The following TMEM26 variants were observed in gnomAD, a reference collection of about 807,000 sequenced individuals.
The protein encoded by TMEM26 is transmembrane protein 26.
In TMEM26, 38 loss-of-function variants were observed where a neutral mutation model predicts 28.8. That is an observed-to-expected ratio of 1.32 (90% CI 1.02 to 1.73). The LOEUF (loss-of-function observed/expected upper bound fraction) is 1.73, where lower values mean the gene tolerates loss of function less well. Among genes scored for constraint, TMEM26 ranks in the 40% most tolerant of loss-of-function variants. The pLI is 0.00. For synonymous variants in TMEM26, 227 were observed against 182.9 expected (o/e 1.24, Z -1.95); for missense variants, 518 against 447.1 (o/e 1.16, Z -1.43).
intron 4 of TMEM26, among the ~76,000 whole-genome samples, chr10:61,426,656 AC>A (rs1193567383): frequency 6.6e-6 from 1 of 152,118 alleles, no homozygotes; most frequent in Non-Finnish European, 1.5e-5. Flanking sequence ...ATGGAATAAA[AC>A]ATTAGAAAAA....
intron 2 of TMEM26, among the ~76,000 whole-genome samples, chr10:61,432,736 A>G (rs1314638451): frequency 6.6e-6 from 1 of 152,166 alleles, no homozygotes; most frequent in Non-Finnish European, 1.5e-5. Context: ...AGCTACTTGA[A>G]AAAACAGAAA....
At chr10:61,450,759 A>C (rs2135341968) in intron 1 of TMEM26, among the ~76,000 whole-genome samples, 1 of 152,198 alleles carries the variant, frequency 6.6e-6, no homozygotes, top group East Asian at 1.9e-4. Flanking sequence ...TCCAAAATAA[A>C]GGTGAGAATT....
At chr10:61,449,290 T>TA (rs1296161948) in intron 1 of TMEM26, among the ~76,000 whole-genome samples, 1 of 151,686 alleles carries the variant, frequency 6.6e-6, no homozygotes, top group Non-Finnish European at 1.5e-5. Flanking sequence ...GGAGTGCATA[T>TA]TTTTTTTAGC....
At chr10:61,451,207 A>G (rs1840274141) in intron 1 of TMEM26, among the ~76,000 whole-genome samples, 1 of 152,206 alleles carries the variant, frequency 6.6e-6, no homozygotes, top group Non-Finnish European at 1.5e-5. Context: ...TGTAAGTCAC[A>G]TGTCAGTACC....
At chr10:61,438,330 T>G (rs1452348045) in intron 1 of TMEM26, among the ~76,000 whole-genome samples, 1 of 152,028 alleles carries the variant, frequency 6.6e-6, no homozygotes, top group Non-Finnish European at 1.5e-5. Flanking sequence ...ACCTCACATA[T>G]CAAAGGAAAC....
intron 1 of TMEM26, among the ~76,000 whole-genome samples, chr10:61,441,848 CT>C (rs1216741791): frequency 6.6e-6 from 1 of 152,102 alleles, no homozygotes; most frequent in East Asian, 1.9e-4. Flanking sequence ...TGCCAAATTA[CT>C]TTGCTCAACT....
intron 4 of TMEM26, among the ~76,000 whole-genome samples, chr10:61,416,438 C>G (rs2135290401): frequency 6.6e-6 from 1 of 152,088 alleles, no homozygotes; most frequent in African/African-American, 2.4e-5. Flanking sequence ...TTAGTTTACC[C>G]ATTTACATTA....
intron 4 of TMEM26, among the ~76,000 whole-genome samples, chr10:61,428,377 C>T (rs1839866146): frequency 1.3e-5 from 2 of 152,086 alleles, no homozygotes; most frequent in South Asian, 2.1e-4. Flanking sequence ...CCTGTGGGCA[C>T]TTTGAACAAA....
intron 4 of TMEM26, chr10:61,413,805 A>G (rs1227181053): frequency 9.3e-7 from 1 of 1,075,482 alleles, no homozygotes; most frequent in Non-Finnish European, 1.1e-6. Flanking sequence ...AGTTTTACAA[A>G]ATTATGGAAA....
At chr10:61,430,872 T>C (rs1839909968) in intron 3 of TMEM26, among the ~76,000 whole-genome samples, 1 of 151,958 alleles carries the variant, frequency 6.6e-6, no homozygotes, top group Non-Finnish European at 1.5e-5. Flanking sequence ...CTAAAATTCC[T>C]CTAAAAAATA....
chr10:61,422,674 T>C (rs1839768777), intron 4 of TMEM26, among the ~76,000 whole-genome samples: 2 of 151,890 alleles, frequency 1.3e-5, no homozygotes, highest in Admixed American at 6.6e-5. Flanking sequence ...AATTCACACT[T>C]CAGATGTCTG....
chr10:61,451,988 T>G (rs1004082144), intron 1 of TMEM26, among the ~76,000 whole-genome samples: 4 of 37,586 alleles, frequency 1.1e-4, no homozygotes, highest in East Asian at 1.2e-3. Context: ...AATGTATTGA[T>G]ATATATATAT....
intron 4 of TMEM26, among the ~76,000 whole-genome samples, chr10:61,426,687 G>C (rs1371623388): frequency 1.3e-5 from 2 of 151,952 alleles, no homozygotes; most frequent in African/African-American, 2.4e-5. Flanking sequence ...CATAATAATA[G>C]GCAATGCTGA....
At chr10:61,452,797 A>G in intron 1 of TMEM26, 94 bp downstream of exon 1, 1 of 1,433,460 alleles carries the variant, frequency 7.0e-7, no homozygotes, top group Non-Finnish European at 9.6e-7. Flanking sequence ...AAATTCGAGT[A>G]GAATCTGCGG....
chr10:61,408,412 A>C lies in TMEM26; in HGVS notation c.*1910T>G, dbSNP rs563619397. 3.9e-4 allele frequency: 59 copies of C among 152,336 alleles called. No homozygotes were observed. Among genetic ancestry groups the C allele is most frequent in the African/African-American group, 1.4e-3 (58 of 41,572 alleles). 9.4% of individuals were successfully genotyped at this position (152,336 alleles called of 1,614,324 possible). On this transcript the variant is annotated 3_prime_UTR_variant, in exon 6 of 6. Transcript: ENST00000399298. ...CCTTGCAACAGCCGTACTACTTTAT[A>C]CTTTATCTATTTTTAGGGCCTCAGT...
intron 2 of TMEM26, among the ~76,000 whole-genome samples, chr10:61,432,711 G>A (rs1253499290): frequency 1.3e-5 from 2 of 151,990 alleles, no homozygotes; most frequent in South Asian, 2.1e-4. Flanking sequence ...TGGATACATC[G>A]TCGACTATTC....
At chr10:61,439,622 C>A (rs1033618298) in intron 1 of TMEM26, among the ~76,000 whole-genome samples, 2 of 152,184 alleles carry the variant, frequency 1.3e-5, no homozygotes, top group Admixed American at 6.5e-5. Flanking sequence ...AAATTTGAAT[C>A]CTGCCTTTTC....
intron 1 of TMEM26, among the ~76,000 whole-genome samples, chr10:61,445,185 T>A (rs189196389): frequency 3.9e-5 from 6 of 152,342 alleles, no homozygotes; most frequent in Admixed American, 3.3e-4. Flanking sequence ...ACCTCCATTA[T>A]CATCATCACC....
chr10:61,446,852 A>AAAAAAAAAAAAAAAAAAAAAAAAAAAAAG (rs1840191538), intron 1 of TMEM26, among the ~76,000 whole-genome samples: 1 of 113,010 alleles, frequency 8.8e-6, no homozygotes, highest in Non-Finnish European at 1.8e-5. Context: ...AAAAAAAAAA[A>AAAAAAAAAAAAAAAAAAAAAAAAAAAAAG]TTAAAAATGC....
Sources: gnomAD v4.1 joint callset for allele counts (sites outside exome capture counted in the v4.1 genomes callset) on GRCh38, gnomAD v4.1.1 for gene constraint, MANE v1.5 for transcripts, NCBI Gene and HGNC (gene_info 2026-07-23, HGNC 2026-07-21) for gene names.